Variants in NF1 observed in about 807,000 individuals in gnomAD.
NF1 encodes neurofibromin.
In NF1, 122 loss-of-function variants were observed where a neutral mutation model predicts 325.7. That is an observed-to-expected ratio of 0.37 (90% confidence interval 0.32 to 0.44). The LOEUF is 0.44. Among genes scored for constraint, NF1 ranks in the 20% least tolerant of loss-of-function variants. The pLI is 1.00. For missense variants in NF1, 2,140 were observed against 3,415.4 expected (o/e 0.63, Z 9.31); for synonymous variants, 1,091 against 1,186.0 (o/e 0.92, Z 1.65).
At chr17:31,359,110 C>G in intron 56 of NF1, 95 bp downstream of exon 56, 5 of 1,027,724 alleles carry the variant, frequency 4.9e-6, no homozygotes, top group Middle Eastern at 2.5e-4. Flanking sequence ...TGCTGAAAAC[C>G]AGAAAAATAA....
chr17:31,367,083 G>C, intron 57 of NF1: 1 of 265,648 alleles, frequency 3.8e-6, no homozygotes, highest in South Asian at 4.4e-5. Flanking sequence ...GGAAATTAAT[G>C]GTCAGAATTC....
intron 8 of NF1, among the ~76,000 whole-genome samples, chr17:31,184,936 G>A (rs1380762144): frequency 2.0e-5 from 3 of 152,180 alleles, no homozygotes; most frequent in African/African-American, 7.2e-5. Context: ...CTGCAACTTG[G>A]AAAGGGCATG....
chr17:31,373,931 G>C (rs765722264), intron 57 of NF1, 82 bp from the exon 58 acceptor site: 1 of 1,546,174 alleles, frequency 6.5e-7, no homozygotes, highest in Non-Finnish European at 8.9e-7. Context: ...ATGTGTCCCC[G>C]TTGTTAAGCG....
chr17:31,113,461 C>T (rs1017397763), intron 1 of NF1, among the ~76,000 whole-genome samples: 9 of 152,138 alleles, frequency 5.9e-5, no homozygotes, highest in Non-Finnish European at 1.3e-4. Flanking sequence ...CCAGGCTGGT[C>T]TCGAGCACCT....
intron 4 of NF1, among the ~76,000 whole-genome samples, chr17:31,167,763 T>G (rs2065868848): frequency 6.6e-6 from 1 of 152,198 alleles, no homozygotes; most frequent in African/African-American, 2.4e-5. Context: ...CTAAGTGAAT[T>G]TCTTTTATCA....
intron 57 of NF1, chr17:31,367,322 C>G (rs1404462171): frequency 8.3e-7 from 1 of 1,211,822 alleles, no homozygotes; most frequent in Admixed American, 2.3e-5. Flanking sequence ...TACTGCTTAC[C>G]CCACACTCAT....
chr17:31,296,414 G>T, intron 36 of NF1: 1 of 1,465,546 alleles, frequency 6.8e-7, no homozygotes, highest in African/African-American at 1.4e-5. Context: ...TTAGCATTAG[G>T]CAAAATTTTC....
intron 35 of NF1, among the ~76,000 whole-genome samples, chr17:31,263,097 AGGTAGG>A (rs2067717843): frequency 3.1e-5 from 3 of 97,264 alleles, no homozygotes; most frequent in South Asian, 6.5e-4. Context: ...GTAGGTAGGT[AGGTAGG>A]TAGGTAGATA....
chr17:31,315,225 T>A (rs1210957155), intron 36 of NF1, among the ~76,000 whole-genome samples: 1 of 152,174 alleles, frequency 6.6e-6, no homozygotes, highest in Non-Finnish European at 1.5e-5. Flanking sequence ...GATCATTTTT[T>A]AAATAAGAAG....
At chr17:31,236,056 TG>T (rs749246087) in intron 29 of NF1, 35 bp downstream of exon 29, 10 of 1,421,976 alleles carry the variant, frequency 7.0e-6, no homozygotes, top group Non-Finnish European at 5.6e-6. Flanking sequence ...CGCTGTTTTT[TG>T]TTTTTTTTTT....
intron 1 of NF1, among the ~76,000 whole-genome samples, chr17:31,095,790 T>G (rs1005273862): frequency 6.6e-6 from 1 of 152,156 alleles, no homozygotes; most frequent in African/African-American, 2.4e-5. Flanking sequence ...CTTCCCTCCG[T>G]GACCCTCCTA....
At chr17:31,285,963 A>G (rs1052240191) in intron 36 of NF1, among the ~76,000 whole-genome samples, 2 of 152,230 alleles carry the variant, frequency 1.3e-5, no homozygotes, top group Non-Finnish European at 2.9e-5. Flanking sequence ...AATACAGAAA[A>G]TGAGGTGTAT....
chr17:31,328,513 A>G (rs752907560), intron 38 of NF1, among the ~76,000 whole-genome samples: 8 of 152,202 alleles, frequency 5.3e-5, no homozygotes, highest in Non-Finnish European at 1.0e-4. Flanking sequence ...TATACCCACA[A>G]AAGCTTAAAA....
chr17:31,321,329 A>G (rs2069185143), intron 36 of NF1, among the ~76,000 whole-genome samples: 1 of 152,166 alleles, frequency 6.6e-6, no homozygotes, highest in East Asian at 1.9e-4. Context: ...TTCATTTCTA[A>G]CTTAAAATTT....
At chr17:31,248,424 G>A (rs150237843) in intron 29 of NF1, among the ~76,000 whole-genome samples, 21 of 152,150 alleles carry the variant, frequency 1.4e-4, no homozygotes, top group African/African-American at 2.7e-4. Flanking sequence ...ACACATACAC[G>A]TGCATGTGCA....
At chr17:31,306,853 G>A (rs2068736773) in intron 36 of NF1, among the ~76,000 whole-genome samples, 1 of 151,528 alleles carries the variant, frequency 6.6e-6, no homozygotes, top group Non-Finnish European at 1.5e-5. Context: ...TCTAGTGATA[G>A]AAGCAAACAG....
chr17:31,143,269 GGA>G (rs1451609231), intron 1 of NF1, among the ~76,000 whole-genome samples: 1 of 150,104 alleles, frequency 6.7e-6, no homozygotes, highest in African/African-American at 2.5e-5. Context: ...ACACACACAC[GGA>G]CACACACACT....
At chr17:31,279,278 A>G (rs910017255) in intron 36 of NF1, among the ~76,000 whole-genome samples, 1 of 152,186 alleles carries the variant, frequency 6.6e-6, no homozygotes, top group Non-Finnish European at 1.5e-5. Context: ...AAATGAATTT[A>G]TGTATGTTTG....
rs775206529 is a variant in NF1, at chr17:31,235,752, A to G, written c.3850A>G (p.Ile1284Val). ...LFRGNSLASK[I>V]MTFCFKVYGA... ...CCGAGGCAACAGCTTGGCCAGTAAA[A>G]TAATGACATTCTGTTTCAAGGTTTG... Residue 1284 changes from isoleucine (I) to valine (V), a missense_variant, in exon 28 of 58, where the codon ATA becomes GTA. Around this residue, in one of 10 missense-constraint regions of NF1, gnomAD observed 336 missense variants for 399.0 expected, o/e 0.84. Coordinates refer to ENST00000358273, the MANE Select transcript of NF1 (RefSeq NM_001042492.3). 4 of 1,614,044 alleles carry G rather than the reference A, an allele frequency of 2.5e-6. No individual in the cohort carries two copies. The South Asian group carries it at 3.3e-5, about 13-fold the overall frequency.
Sources: gnomAD v4.1 joint callset for allele counts (sites outside exome capture counted in the v4.1 genomes callset) on GRCh38, gnomAD v4.1.1 for gene constraint, gnomAD v4.1.1 regional missense constraint, MANE v1.5 for transcripts, NCBI Gene and HGNC (gene_info 2026-07-23, HGNC 2026-07-21) for gene names.